ZNF362: variants seen among roughly 807,000 people sequenced by gnomAD.
The protein encoded by ZNF362 is rotund homolog.
ZNF362 carries 11 observed loss-of-function variants against 42.9 expected under a neutral mutation model. The ratio of observed to expected loss-of-function variants is 0.26; its 90% CI spans 0.16 to 0.42. The LOEUF is 0.42. Ranked by LOEUF, ZNF362 falls within the 20% of genes least tolerant of loss-of-function variation. The pLI, the probability that ZNF362 is intolerant of heterozygous loss-of-function variation, is 1.00. For synonymous variants in ZNF362, 255 were observed against 257.3 expected (o/e 0.99, Z 0.09); for missense variants, 362 against 576.2 (o/e 0.63, Z 3.81).
the ZNF362 span, among the ~76,000 whole-genome samples, chr1:33,189,677 A>ATATG: frequency 2.4e-5 from 1 of 41,920 alleles, no homozygotes; most frequent in Non-Finnish European, 5.4e-5. Context: ...ATATATGTAT[A>ATATG]TATATACGTA....
chr1:33,213,642 C>A, the ZNF362 span, among the ~76,000 whole-genome samples: 1 of 151,972 alleles, frequency 6.6e-6, no homozygotes, highest in African/African-American at 2.4e-5. Flanking sequence ...GTCAAGAGAT[C>A]GAGACCATCC....
chr1:33,154,525 C>T, the ZNF362 span, among the ~76,000 whole-genome samples: 6 of 148,642 alleles, frequency 4.0e-5, no homozygotes, highest in South Asian at 4.3e-4. Flanking sequence ...TGAGGCTGGG[C>T]GCGGTGGCTC....
chr1:33,277,659 G>A (rs1645961488), intron 4 of ZNF362, among the ~76,000 whole-genome samples: 1 of 152,170 alleles, frequency 6.6e-6, no homozygotes, highest in Non-Finnish European at 1.5e-5. Context: ...ACAGATATGA[G>A]ATACATTGTG....
Position 33,280,064 on chromosome 1 carries a change from G to A in ZNF362, c.350-60G>A. 6.7e-7 allele frequency: 1 copy of A among 1,500,802 alleles called. No homozygotes were observed. The highest frequency in any genetic ancestry group is 8.9e-7 in the Non-Finnish European group (1 of 1,124,748). 93.0% of individuals were successfully genotyped at this position (1,500,802 alleles called of 1,614,324 possible). A position where few individuals can be genotyped will look rare whatever the true frequency, so the allele number is the denominator to read the frequency against. On this transcript the variant is annotated intron_variant, in intron 4 of 8. Transcript: ENST00000539719. This position sits in a 1 kb window ranked among gnomAD's most constrained non-coding sequence, Gnocchi z 5.6. ...CTGCCAAAATCACATAGCTGGGTGG[G>A]CAGCTGAGCTGGCCTCTGCAGCTCC...
At position 33,281,090 on chromosome 1, in the gene ZNF362, C is replaced by T. The variant is rs1570400072; in HGVS notation, c.684-497C>T. ...TCTCAAACAACAACAACAACAACAA[C>T]AACAATTTTAAAGAATCACCTGAAG... On this transcript the variant is annotated intron_variant, in intron 5 of 8. Transcript: ENST00000539719. The surrounding 1 kb of genome is among the most constrained non-coding windows in gnomAD (Gnocchi z 4.8). Among the ~76,000 whole-genome samples the T allele has an allele frequency of 8.7e-6, 1 of 115,084 alleles. No homozygotes were observed. Among genetic ancestry groups the T allele is most frequent in the Non-Finnish European group, 1.9e-5 (1 of 52,430 alleles). The allele number at this position is 115,084 out of a possible 152,430, so 75.5% of individuals were successfully genotyped here.
chr1:33,284,925 C>T (rs1407642741), intron 6 of ZNF362, among the ~76,000 whole-genome samples: 3 of 152,156 alleles, frequency 2.0e-5, no homozygotes, highest in Non-Finnish European at 4.4e-5. Flanking sequence ...AAGAGGATGT[C>T]AACGTGGCAG....
chr1:33,257,986 G>A (rs1388117907), intron 1 of ZNF362, among the ~76,000 whole-genome samples: 5 of 152,178 alleles, frequency 3.3e-5, no homozygotes, highest in Non-Finnish European at 5.9e-5. Flanking sequence ...TGGTGGTAAT[G>A]TCTTCCCCGA....
rs779693202 is a variant in ZNF362, at chr1:33,276,470, C to T, written c.225C>T (p.Pro75=). Residue 75 remains proline, a synonymous_variant, in exon 4 of 9, where the codon CCC becomes CCT. Transcript: ENST00000539719. ...AGCCGTTGCTAGTGCCGCCGGCACC[C>T]GCCGAGAGCAGCCAGGCCGTCATGT... ...SQQPLLVPPA[P]AESSQAVMSL... is the part of the protein sequence containing the mutation. The T allele has an allele frequency of 3.4e-5, 54 of 1,589,782 alleles. No individual in the cohort carries two copies. Among genetic ancestry groups the T allele is most frequent in the East Asian group, 4.6e-5 (2 of 43,636 alleles).
At chr1:33,144,299 G>A in the ZNF362 span, among the ~76,000 whole-genome samples, 1 of 152,130 alleles carries the variant, frequency 6.6e-6, no homozygotes, top group Non-Finnish European at 1.5e-5. Context: ...CACCACACCC[G>A]GCTAATTTTG....
the ZNF362 span, among the ~76,000 whole-genome samples, chr1:33,184,658 A>G: frequency 2.0e-5 from 3 of 152,358 alleles, no homozygotes; most frequent in African/African-American, 7.2e-5. Flanking sequence ...GAATGACTGC[A>G]TGAAGTACAG....
intron 2 of ZNF362, among the ~76,000 whole-genome samples, chr1:33,275,880 T>C (rs1645941060): frequency 2.0e-5 from 3 of 150,756 alleles, no homozygotes; most frequent in African/African-American, 7.3e-5. Flanking sequence ...TGGGGCCCAC[T>C]AAGGGGGGGT....
chr1:33,129,345 T>A, the ZNF362 span, among the ~76,000 whole-genome samples: 1 of 152,166 alleles, frequency 6.6e-6, no homozygotes, highest in Non-Finnish European at 1.5e-5. The surrounding 1 kb of genome is among the most constrained non-coding windows in gnomAD (Gnocchi z 4.1). Context: ...AGGACCGGCC[T>A]TACAAACATT....
At chr1:33,292,865 T>G (rs1056880553) in intron 6 of ZNF362, among the ~76,000 whole-genome samples, 6 of 152,344 alleles carry the variant, frequency 3.9e-5, no homozygotes, top group Admixed American at 3.3e-4. Context: ...CAGATGACCC[T>G]TAAGGTCCTT....
the ZNF362 span, among the ~76,000 whole-genome samples, chr1:33,201,894 G>T: frequency 6.6e-6 from 1 of 152,130 alleles, no homozygotes; most frequent in Admixed American, 6.6e-5. Context: ...AAAAGGGAAA[G>T]AAAATATAAA....
At chr1:33,267,464 C>T (rs1355769242) in intron 1 of ZNF362, among the ~76,000 whole-genome samples, 1 of 152,170 alleles carries the variant, frequency 6.6e-6, no homozygotes, top group Non-Finnish European at 1.5e-5. Flanking sequence ...CTTCCCATTT[C>T]CCCCCTGACT....
chr1:33,189,783 C>T, the ZNF362 span, among the ~76,000 whole-genome samples: 1 of 148,548 alleles, frequency 6.7e-6, no homozygotes, highest in Non-Finnish European at 1.5e-5. Flanking sequence ...GGGTGACCCT[C>T]ACCAGTTTCT....
the ZNF362 span, among the ~76,000 whole-genome samples, chr1:33,144,837 G>A: frequency 6.6e-6 from 1 of 152,198 alleles, no homozygotes; most frequent in African/African-American, 2.4e-5. Context: ...TTGGGTCAGA[G>A]CCAGCCCAGA....
chr1:33,137,888 C>T, the ZNF362 span, among the ~76,000 whole-genome samples: 1 of 152,194 alleles, frequency 6.6e-6, no homozygotes, highest in African/African-American at 2.4e-5. Context: ...TCAGGACCAC[C>T]CAGGCCCCCA....
the ZNF362 span, among the ~76,000 whole-genome samples, chr1:33,140,930 C>A: frequency 1.3e-5 from 2 of 152,182 alleles, no homozygotes; most frequent in Non-Finnish European, 2.9e-5. This position sits in a 1 kb window ranked among gnomAD's most constrained non-coding sequence, Gnocchi z 4.0. Flanking sequence ...ACACCAGAAT[C>A]CACAAGAGGG....
Sources: allele counts gnomAD v4.1 joint callset (sites outside exome capture counted in the v4.1 genomes callset), GRCh38; gene constraint gnomAD v4.1.1; non-coding constraint Gnocchi (gnomAD v3.1); transcripts MANE v1.5; gene names NCBI Gene and HGNC (gene_info 2026-07-23, HGNC 2026-07-21).